The following ZNF202 variants were observed in gnomAD, a reference collection of about 807,000 sequenced individuals.
ZNF202 encodes the protein zinc finger protein 202.
Under a neutral mutation model 54.5 loss-of-function variants are expected in ZNF202, and 22 were observed. The observed-to-expected ratio is 0.40, with a 90% CI of 0.29 to 0.58. ZNF202 has a LOEUF of 0.58. Among genes scored for constraint, ZNF202 ranks in the 20% least tolerant of loss-of-function variants. The pLI is 0.39. For missense variants in ZNF202, 644 were observed against 805.5 expected, an observed-to-expected ratio of 0.80 and a Z score of 2.43; for synonymous variants, 294 against 301.4, an observed-to-expected ratio of 0.98 and a Z score of 0.26.
rs755680190 is a variant in ZNF202, at chr11:123,729,201, G to C, written c.627C>G (p.Pro209=). 3 of 1,613,324 alleles carry C rather than the reference G, an allele frequency of 1.9e-6. No homozygotes were observed. In the Admixed American group the frequency reaches 5.0e-5, roughly 27 times the overall value. ...TCTCTGCAGGAAGGTCTGGGTCCTC[G>C]GGCACTGGGACCTCTATGAAGAAAA... ...QTLQESEVPV[P]EDPDLPAERS... Residue 209 remains proline, a synonymous_variant, in exon 6 of 9, where the codon CCC becomes CCG. Coordinates refer to ENST00000530393, the MANE Select transcript of ZNF202 (RefSeq NM_003455.4).
At chr11:123,727,690 T>C in intron 7 of ZNF202, 95 bp from the exon 8 acceptor site, 2 of 1,492,122 alleles carry the variant, frequency 1.3e-6, no homozygotes, top group Non-Finnish European at 1.8e-6. Flanking sequence ...GTGGGGCAAA[T>C]ACATAGCTAG....
chr11:123,740,661 C>G (rs544091150), intron 1 of ZNF202, 125 bp from the exon 2 acceptor site: 5 of 152,392 alleles, frequency 3.3e-5, no homozygotes, highest in African/African-American at 1.2e-4. Context: ...GAGTCTCCCT[C>G]TGGGGAGGTC....
Position 123,728,759 on chromosome 11 carries a change from T to G in ZNF202, c.702+367A>C, listed in dbSNP as rs142278670. Among the ~76,000 whole-genome samples, 265 of 152,160 alleles carry G rather than the reference T, an allele frequency of 1.7e-3. 1 individual carries two copies. The highest frequency in any genetic ancestry group is 6.2e-3 in the African/African-American group (259 of 41,532). On this transcript the variant is annotated intron_variant, in intron 6 of 8. Coordinates refer to ENST00000530393, the MANE Select transcript of ZNF202 (RefSeq NM_003455.4). ...CAGAGCTTTGATCATGGTGAATACT[T>G]CCTAAATGTCTCAGCAGTACAGTCT...
At position 123,727,585 on chromosome 11, in the gene ZNF202, G is replaced by A. The variant is rs1485395697; in HGVS notation, c.843C>T (p.Ile281=). ...CGIVVSLSFP[I]PRPDEISQVR... ...CCTGGGAGATCTCATCAGGTCTGGG[G>A]ATTGGAAATGCTGCTCAAGAGAGGG... The change falls in exon 8 of 9, where the codon ATC becomes ATT. Residue 281 remains isoleucine (I), a synonymous_variant. Transcript: ENST00000530393. 1 of 1,614,074 alleles carries A rather than the reference G, an allele frequency of 6.2e-7. No individual in the cohort carries two copies. The highest frequency in any genetic ancestry group is 8.5e-7 in the Non-Finnish European group (1 of 1,179,968).
At chr11:123,728,440 C>T (rs1274232039) in intron 6 of ZNF202, among the ~76,000 whole-genome samples, 178 bp from the exon 7 acceptor site, 4 of 151,998 alleles carry the variant, frequency 2.6e-5, no homozygotes, top group Admixed American at 2.6e-4. Flanking sequence ...GGCCCTGCCC[C>T]CTCCAACTCC....
chr11:123,729,948 G>A (rs34819525), intron 4 of ZNF202, 123 bp from the exon 5 acceptor site: 28,396 of 1,006,312 alleles, frequency 0.028, 1,092 homozygotes, highest in East Asian at 0.15. Context: ...GACAAGGAGG[G>A]GAAACTCCAG....
In ZNF202 at chr11:123,730,003, G is replaced by A. The variant is rs1342697175; in HGVS notation, c.403-178C>T. On this transcript the variant is annotated intron_variant, in intron 4 of 8. Coordinates refer to ENST00000530393, the MANE Select transcript of ZNF202 (RefSeq NM_003455.4). The surrounding 1 kb of genome is among the most constrained non-coding windows in gnomAD (Gnocchi z 6.0). ...GAGGAGCTGAAGGTTATCCTCCCCA[G>A]GACAAGGCAGGGGATGCGCAGGCCT... is the stretch of plus-strand genomic sequence containing the variant. Among the ~76,000 whole-genome samples, 1 of 152,148 alleles carries A rather than the reference G, an allele frequency of 6.6e-6. No individual in the cohort carries two copies. Among genetic ancestry groups the A allele is most frequent in the Admixed American group, 6.5e-5 (1 of 15,286 alleles).
At chr11:123,741,340 T>C (rs1299329775) in intron 1 of ZNF202, among the ~76,000 whole-genome samples, 1 of 151,980 alleles carries the variant, frequency 6.6e-6, no homozygotes, top group Admixed American at 6.6e-5. Context: ...AGATACTGGC[T>C]CCGGCCACCA....
At chr11:123,741,358 CAG>C (rs2137390702) in intron 1 of ZNF202, among the ~76,000 whole-genome samples, 189 bp downstream of exon 1, 1 of 152,260 alleles carries the variant, frequency 6.6e-6, no homozygotes, top group Admixed American at 6.5e-5. Context: ...CCAGGAAACA[CAG>C]AGACCACAAC....
chr11:123,732,524 A>C (rs1458944978), intron 3 of ZNF202, among the ~76,000 whole-genome samples: 4 of 152,186 alleles, frequency 2.6e-5, no homozygotes, highest in African/African-American at 9.7e-5. Flanking sequence ...TTTTCAAGAC[A>C]TAAGCTCAAG....
intron 3 of ZNF202, among the ~76,000 whole-genome samples, chr11:123,737,712 G>A (rs1302420818): frequency 6.6e-6 from 1 of 152,094 alleles, no homozygotes; most frequent in Non-Finnish European, 1.5e-5. Flanking sequence ...GTTATATATG[G>A]CAGGCCTAGG....
intron 3 of ZNF202, among the ~76,000 whole-genome samples, chr11:123,733,775 A>T (rs558193202): frequency 6.6e-6 from 1 of 152,256 alleles, no homozygotes; most frequent in Admixed American, 6.5e-5. Context: ...GCTTTTGTGT[A>T]TTATTTAGAT....
intron 3 of ZNF202, among the ~76,000 whole-genome samples, chr11:123,737,791 T>C (rs1250956304): frequency 2.6e-5 from 4 of 152,196 alleles, no homozygotes; most frequent in Non-Finnish European, 4.4e-5. Flanking sequence ...CTGCTCTACA[T>C]TGTAAAGAGG....
chr11:123,735,455 A>C (rs992966335), intron 3 of ZNF202, among the ~76,000 whole-genome samples: 3 of 152,162 alleles, frequency 2.0e-5, no homozygotes, highest in Non-Finnish European at 4.4e-5. Flanking sequence ...CTTGTTTTGC[A>C]TTTACTTTGG....
intron 3 of ZNF202, among the ~76,000 whole-genome samples, chr11:123,733,294 T>C (rs1247612074): frequency 1.3e-5 from 2 of 152,230 alleles, no homozygotes; most frequent in African/African-American, 4.8e-5. Flanking sequence ...CATGCTCTTA[T>C]GACATTTTTT....
chr11:123,727,158 G>A (rs1436937362), intron 8 of ZNF202, among the ~76,000 whole-genome samples, 167 bp from the exon 9 acceptor site: 2 of 152,220 alleles, frequency 1.3e-5, no homozygotes, highest in Non-Finnish European at 2.9e-5. Flanking sequence ...ACCTTGGTAT[G>A]CACAAATATA....
intron 1 of ZNF202, 127 bp from the exon 2 acceptor site, chr11:123,740,663 G>T (rs1861823457): frequency 6.6e-6 from 1 of 152,260 alleles, no homozygotes; most frequent in Non-Finnish European, 1.5e-5. Context: ...GTCTCCCTCT[G>T]GGGAGGTCAG....
At chr11:123,727,876 A>T (rs947266631) in intron 7 of ZNF202, among the ~76,000 whole-genome samples, 10 of 152,180 alleles carry the variant, frequency 6.6e-5, no homozygotes, top group African/African-American at 2.4e-4. Flanking sequence ...TTTAAAACTC[A>T]TGTGCTTACT....
rs1861812177 is a variant in ZNF202, at chr11:123,740,424, A to C, written c.-181T>G. 6.6e-6 allele frequency: 1 copy of C among 152,264 alleles called. No individual in the cohort carries two copies. The highest frequency in any genetic ancestry group is 6.5e-5 in the Admixed American group (1 of 15,288). The allele number at this position is 152,264 out of a possible 1,614,324, so 9.4% of individuals were successfully genotyped here. Reference sequence around the variant, plus strand: ...CCAAGGCTATCCCACAACCTTTCTGAAGTAGCTTCCTGGATCAAGCCCCAC... The same window carrying C: ...CCAAGGCTATCCCACAACCTTTCTGCAGTAGCTTCCTGGATCAAGCCCCAC... On this transcript the variant is annotated 5_prime_UTR_variant, in exon 2 of 9. Transcript: ENST00000530393.
Sources: gnomAD v4.1 joint callset for allele counts (sites outside exome capture counted in the v4.1 genomes callset) on GRCh38, gnomAD v4.1.1 for gene constraint, Gnocchi (gnomAD v3.1) non-coding constraint, MANE v1.5 for transcripts, NCBI Gene and HGNC (gene_info 2026-07-23, HGNC 2026-07-21) for gene names.